SLIT2: variants seen among roughly 807,000 people sequenced by gnomAD.
SLIT2 encodes slit guidance ligand 2.
In SLIT2, 41 loss-of-function variants were observed where a neutral mutation model predicts 185.7. The ratio of observed to expected loss-of-function variants is 0.22; its 90% CI spans 0.17 to 0.29. The LOEUF (loss-of-function observed/expected upper bound fraction) is 0.29. SLIT2 is among the 10% of genes least tolerant of loss of function. The probability of loss-of-function intolerance (pLI) is 1.00; values close to 1 mark genes in which losing one functional copy is unlikely to be tolerated. For missense variants in SLIT2, 1,571 were observed against 1,909.0 expected (o/e 0.82, Z 3.30); for synonymous variants, 693 against 680.2 (o/e 1.02, Z -0.29).
chr4:20,277,380 AT>A (rs1714272565), intron 4 of SLIT2, among the ~76,000 whole-genome samples: 1 of 152,096 alleles, frequency 6.6e-6, no homozygotes, highest in African/African-American at 2.4e-5. Flanking sequence ...ATTAATTTAA[AT>A]TAAATTTTAA....
At chr4:20,514,797 AC>A (rs1183179950) in intron 11 of SLIT2, among the ~76,000 whole-genome samples, 1 of 151,610 alleles carries the variant, frequency 6.6e-6, no homozygotes, top group African/African-American at 2.4e-5. Context: ...TATTTTTATT[AC>A]GTATTATATA....
chr4:20,386,810 A>G (rs1356549681), intron 4 of SLIT2, among the ~76,000 whole-genome samples: 2 of 152,236 alleles, frequency 1.3e-5, no homozygotes, highest in Non-Finnish European at 2.9e-5. Flanking sequence ...CCTCTCTTGT[A>G]TGCAGATGGT....
At chr4:20,522,732 A>G (rs1720943804) in intron 12 of SLIT2, among the ~76,000 whole-genome samples, 1 of 152,164 alleles carries the variant, frequency 6.6e-6, no homozygotes, top group African/African-American at 2.4e-5. Context: ...TTAAACAGGT[A>G]TTTATAATAT....
chr4:20,368,164 C>A (rs1335027846), intron 4 of SLIT2, among the ~76,000 whole-genome samples: 3 of 142,652 alleles, frequency 2.1e-5, no homozygotes, highest in African/African-American at 7.9e-5. Context: ...AAATTACTTA[C>A]ATAATCCAAC....
intron 26 of SLIT2, among the ~76,000 whole-genome samples, chr4:20,559,624 A>G (rs1724534983): frequency 6.6e-6 from 1 of 151,904 alleles, no homozygotes; most frequent in Non-Finnish European, 1.5e-5. Context: ...TGAGTACTTT[A>G]CATAGATTTT....
rs1029458399 is a variant in SLIT2 at position 20,262,741 on chromosome 4, A to G, written c.323+4802A>G. 8.6e-5 allele frequency among the ~76,000 whole-genome samples: 13 copies of G among 151,886 alleles called. No homozygotes were observed. In the East Asian group the frequency reaches 2.3e-3, roughly 27 times the overall value. The stretch of plus-strand genomic sequence containing the variant: ...CATTATATGCCAATGATGTTCACCT[A>G]TTCGTAAGCAATGTGGTCAATTTTA... On this transcript the variant is annotated intron_variant, in intron 3 of 36. Coordinates refer to ENST00000504154, the MANE Select transcript of SLIT2 (RefSeq NM_004787.4).
intron 26 of SLIT2, among the ~76,000 whole-genome samples, chr4:20,555,903 G>A (rs1435256300): frequency 6.6e-6 from 1 of 151,638 alleles, no homozygotes; most frequent in Admixed American, 6.6e-5. Flanking sequence ...CAATACCCCA[G>A]AAAATTGTGT....
intron 4 of SLIT2, among the ~76,000 whole-genome samples, chr4:20,442,393 G>A (rs913212294): frequency 2.6e-5 from 4 of 152,028 alleles, no homozygotes; most frequent in East Asian, 1.9e-4. Flanking sequence ...GTGTGGTGGC[G>A]GGCGCCTGTA....
In SLIT2 at chr4:20,581,112, T is replaced by A. The variant is rs978087134; in HGVS notation, c.3089-8532T>A. Among the ~76,000 whole-genome samples, 10 of 152,174 alleles carry A rather than the reference T, an allele frequency of 6.6e-5. No individual in the cohort carries two copies. The East Asian group carries it at 1.9e-3, about 29-fold the overall frequency. On this transcript the variant is annotated intron_variant, in intron 29 of 36. Coordinates refer to ENST00000504154, the MANE Select transcript of SLIT2 (RefSeq NM_004787.4). ...GGAGGCTTAAACAACAGAGTTTTATTGTCTTACAGTTCTGGAGGCTAGAGG... is the reference window on the plus strand; with the variant it reads ...GGAGGCTTAAACAACAGAGTTTTATAGTCTTACAGTTCTGGAGGCTAGAGG...
At chr4:20,348,319 A>G (rs185459083) in intron 4 of SLIT2, among the ~76,000 whole-genome samples, 1 of 151,608 alleles carries the variant, frequency 6.6e-6, no homozygotes, top group Non-Finnish European at 1.5e-5. Flanking sequence ...GCTCATTGCA[A>G]CCTCCACTTC....
At chr4:20,263,636 A>G (rs1167082045) in intron 3 of SLIT2, among the ~76,000 whole-genome samples, 1 of 151,912 alleles carries the variant, frequency 6.6e-6, no homozygotes, top group East Asian at 1.9e-4. Flanking sequence ...GAAAAGAGTG[A>G]TATCAGAAAA....
At chr4:20,306,516 G>A (rs1331296107) in intron 4 of SLIT2, among the ~76,000 whole-genome samples, 1 of 152,092 alleles carries the variant, frequency 6.6e-6, no homozygotes, top group East Asian at 1.9e-4. Flanking sequence ...GTAGGGTAGA[G>A]GGACTCAAAT....
At chr4:20,411,799 G>A (rs941793038) in intron 4 of SLIT2, among the ~76,000 whole-genome samples, 1 of 152,114 alleles carries the variant, frequency 6.6e-6, no homozygotes, top group African/African-American at 2.4e-5. Flanking sequence ...GAGCCAATAT[G>A]TTTTAAGATG....
chr4:20,284,763 C>A (rs1021854298), intron 4 of SLIT2, among the ~76,000 whole-genome samples: 1 of 152,210 alleles, frequency 6.6e-6, no homozygotes, highest in Non-Finnish European at 1.5e-5. Context: ...TTTGTCAGTT[C>A]TCTCCCAATG....
intron 34 of SLIT2, among the ~76,000 whole-genome samples, chr4:20,610,462 T>A (rs1260660518): frequency 6.6e-6 from 1 of 152,238 alleles, no homozygotes; most frequent in African/African-American, 2.4e-5. Context: ...TTATATAATT[T>A]AATCTTATAT....
At chr4:20,596,759 A>G in intron 32 of SLIT2, 104 bp downstream of exon 32, 1 of 1,168,360 alleles carries the variant, frequency 8.6e-7, no homozygotes. Flanking sequence ...TGTCTTAAAT[A>G]GACAGTTAAA....
chr4:20,425,487 C>T (rs532831277), intron 4 of SLIT2, among the ~76,000 whole-genome samples: 1 of 151,992 alleles, frequency 6.6e-6, no homozygotes, highest in Admixed American at 6.6e-5. Flanking sequence ...ATGAAATAGT[C>T]TCAGAAAAAA....
intron 21 of SLIT2, among the ~76,000 whole-genome samples, chr4:20,543,215 G>T (rs1405085757): frequency 6.6e-6 from 1 of 152,012 alleles, no homozygotes; most frequent in African/African-American, 2.4e-5. Context: ...AAGTCCTTTA[G>T]ATCCTAAAGG....
intron 14 of SLIT2, among the ~76,000 whole-genome samples, 168 bp from the exon 15 acceptor site, chr4:20,524,963 TTATTGTCCATAATTATAG>T (rs1721156537): frequency 1.3e-5 from 2 of 152,186 alleles, no homozygotes; most frequent in South Asian, 4.1e-4. Context: ...ACCAAGCTGG[TTATTGTCCATAATTATAG>T]ATGCATTTAC....
Sources: allele counts gnomAD v4.1 joint callset (sites outside exome capture counted in the v4.1 genomes callset), GRCh38; gene constraint gnomAD v4.1.1; transcripts MANE v1.5; gene names NCBI Gene and HGNC (gene_info 2026-07-23, HGNC 2026-07-21).